The following RANBP2 variants were observed in gnomAD, a reference collection of about 807,000 sequenced individuals.
RANBP2 encodes E3 SUMO-protein ligase RanBP2.
Under a neutral mutation model 303.6 loss-of-function variants are expected in RANBP2, and 57 were observed. The observed-to-expected ratio is 0.19, with a 90% CI of 0.15 to 0.23. The LOEUF (loss-of-function observed/expected upper bound fraction) is 0.23, where lower values mean the gene tolerates loss of function less well. Ranked by LOEUF, RANBP2 falls within the 10% of genes least tolerant of loss-of-function variation. The pLI is 1.00. For synonymous variants in RANBP2, 1,167 were observed against 1,301.5 expected (o/e 0.90, Z 2.23); for missense variants, 3,138 against 3,780.8 (o/e 0.83, Z 4.46).
At chr2:109,213,324 C>G in the RANBP2 span, among the ~76,000 whole-genome samples, 3 of 152,170 alleles carry the variant, frequency 2.0e-5, no homozygotes, top group Non-Finnish European at 2.9e-5. Flanking sequence ...ATGTGTACGC[C>G]AAACGCAGCC....
the RANBP2 span, among the ~76,000 whole-genome samples, chr2:108,901,506 A>G: frequency 6.6e-6 from 1 of 152,340 alleles, no homozygotes; most frequent in East Asian, 1.9e-4. Context: ...GAAAACTATA[A>G]AGTAAAAGAG....
chr2:109,246,016 G>A, the RANBP2 span, among the ~76,000 whole-genome samples: 1 of 152,222 alleles, frequency 6.6e-6, no homozygotes, highest in Non-Finnish European at 1.5e-5. Flanking sequence ...CAAAAAAAGA[G>A]CATGGATTTT....
chr2:109,534,441 G>C, the RANBP2 span, among the ~76,000 whole-genome samples: 1 of 152,174 alleles, frequency 6.6e-6, no homozygotes, highest in African/African-American at 2.4e-5. Flanking sequence ...GAGCTGGGAG[G>C]ACAACAGAAT....
chr2:109,698,898 G>A, the RANBP2 span, among the ~76,000 whole-genome samples: 17 of 152,304 alleles, frequency 1.1e-4, no homozygotes, highest in African/African-American at 4.1e-4. Context: ...GCGCCAGCCT[G>A]GGCAACACAG....
chr2:109,099,284 G>A, the RANBP2 span, among the ~76,000 whole-genome samples: 37 of 152,326 alleles, frequency 2.4e-4, no homozygotes, highest in Middle Eastern at 3.4e-3. Flanking sequence ...TTTAAATGCA[G>A]TAAAATTAGG....
the RANBP2 span, chr2:109,732,813 T>C: frequency 8.1e-7 from 1 of 1,228,176 alleles, no homozygotes; most frequent in Non-Finnish European, 1.2e-6. Context: ...CTCTGAAGTG[T>C]GTGGGTTGCT....
chr2:109,674,672 T>C, the RANBP2 span, among the ~76,000 whole-genome samples: 1 of 152,318 alleles, frequency 6.6e-6, no homozygotes, highest in East Asian at 1.9e-4. Flanking sequence ...AAAATATTAA[T>C]AAGTAGTAAT....
At chr2:108,919,738 G>A in the RANBP2 span, among the ~76,000 whole-genome samples, 477 of 152,260 alleles carry the variant, frequency 3.1e-3, 5 homozygotes, top group African/African-American at 0.011. Context: ...AACTGTAGCC[G>A]GGCCAGAGCC....
At chr2:109,696,896 G>A in the RANBP2 span, among the ~76,000 whole-genome samples, 1 of 152,100 alleles carries the variant, frequency 6.6e-6, no homozygotes, top group African/African-American at 2.4e-5. Flanking sequence ...TCCTACCTCA[G>A]TCTCCTGAGT....
At chr2:108,990,562 C>T in the RANBP2 span, among the ~76,000 whole-genome samples, 76 of 152,008 alleles carry the variant, frequency 5.0e-4, no homozygotes, top group Non-Finnish European at 1.0e-3. Context: ...TGCCACTGCA[C>T]TCCAGCCTGG....
chr2:108,848,671 A>G, the RANBP2 span, among the ~76,000 whole-genome samples: 682 of 152,334 alleles, frequency 4.5e-3, 4 homozygotes, highest in African/African-American at 0.016. Context: ...AAAATTTGCA[A>G]CAAATGCGAT....
the RANBP2 span, among the ~76,000 whole-genome samples, chr2:109,734,434 GA>G: frequency 6.6e-6 from 1 of 151,964 alleles, no homozygotes; most frequent in East Asian, 1.9e-4. Flanking sequence ...CTGAAGAGGT[GA>G]AAGATTAATA....
chr2:108,958,749 C>T, the RANBP2 span, among the ~76,000 whole-genome samples: 1 of 152,142 alleles, frequency 6.6e-6, no homozygotes, highest in Non-Finnish European at 1.5e-5. Flanking sequence ...AAAGCTCAAG[C>T]GCAAGGCTTC....
chr2:108,798,534 A>G, the RANBP2 span: 4 of 1,613,896 alleles, frequency 2.5e-6, no homozygotes, highest in Non-Finnish European at 3.4e-6. Context: ...GCCTTGAGTA[A>G]AATTAAAGGT....
chr2:108,938,464 C>T, the RANBP2 span, among the ~76,000 whole-genome samples: 1 of 152,204 alleles, frequency 6.6e-6, no homozygotes, highest in East Asian at 1.9e-4. Context: ...TGCTCGGGTG[C>T]TCTGCACTCT....
At chr2:109,124,200 G>A in the RANBP2 span, among the ~76,000 whole-genome samples, 2 of 150,742 alleles carry the variant, frequency 1.3e-5, no homozygotes, top group Admixed American at 1.3e-4. Flanking sequence ...TTGAGACAGA[G>A]TCTCGCTCTT....
At chr2:108,786,699 T>A (rs1466786136), downstream of RANBP2, 1 of 927,464 alleles carries the variant, frequency 1.1e-6, no homozygotes, top group Non-Finnish European at 1.7e-6. Context: ...GCCCCGCCCT[T>A]TCCCTGCCGC....
the RANBP2 span, among the ~76,000 whole-genome samples, chr2:108,852,579 G>A: frequency 6.6e-6 from 1 of 152,192 alleles, no homozygotes; most frequent in Non-Finnish European, 1.5e-5. Context: ...CCATTAAAAA[G>A]AATGAGATTA....
At chr2:108,875,853 A>G in the RANBP2 span, among the ~76,000 whole-genome samples, 1 of 152,144 alleles carries the variant, frequency 6.6e-6, no homozygotes, top group African/African-American at 2.4e-5. Flanking sequence ...ATAAGACCTT[A>G]TCTCAAAAGA....
Sources: gnomAD v4.1 joint callset for allele counts (sites outside exome capture counted in the v4.1 genomes callset) on GRCh38, gnomAD v4.1.1 for gene constraint, MANE v1.5 for transcripts, NCBI Gene and HGNC (gene_info 2026-07-23, HGNC 2026-07-21) for gene names.